Variants in SPATA13 observed in about 807,000 individuals in gnomAD.
SPATA13 encodes the protein spermatogenesis-associated protein 13.
SPATA13 carries 50 observed loss-of-function variants against 104.0 expected under a neutral mutation model. The observed-to-expected ratio is 0.48, with a 90% CI of 0.38 to 0.61. SPATA13 has a LOEUF of 0.61. SPATA13 is among the 20% of genes least tolerant of loss of function. SPATA13 has a pLI of 0.00. For missense variants in SPATA13, 1,524 were observed against 1,690.6 expected, an observed-to-expected ratio of 0.90 and a Z score of 1.73; for synonymous variants, 606 against 667.5, an observed-to-expected ratio of 0.91 and a Z score of 1.42.
intron 2 of SPATA13, among the ~76,000 whole-genome samples, chr13:23,993,619 A>G (rs539725403): frequency 1.7e-4 from 26 of 152,316 alleles, no homozygotes; most frequent in African/African-American, 5.5e-4. Context: ...CCCTTCCCAC[A>G]GACCCCTGCG....
chr13:24,118,806 G>A (rs2137821796), intron 3 of SPATA13, among the ~76,000 whole-genome samples: 1 of 152,292 alleles, frequency 6.6e-6, no homozygotes, highest in Non-Finnish European at 1.5e-5. Flanking sequence ...ACAGGAAGAA[G>A]AACTAACTGT....
intron 1 of SPATA13, among the ~76,000 whole-genome samples, chr13:24,208,539 CAGTGGATCGGTT>C (rs1853715884): frequency 6.7e-6 from 1 of 149,410 alleles, no homozygotes; most frequent in Non-Finnish European, 1.5e-5. Flanking sequence ...GGCTTTTCTC[CAGTGGATCGGTT>C]AGTCATGCAG....
intron 11 of SPATA13, among the ~76,000 whole-genome samples, chr13:24,298,264 A>G (rs1374567780): frequency 2.6e-5 from 4 of 152,140 alleles, no homozygotes; most frequent in Non-Finnish European, 2.9e-5. Flanking sequence ...TGCCTGTGCA[A>G]TACCTTCAGT....
At chr13:24,201,969 C>A (rs1300192049) in intron 1 of SPATA13, among the ~76,000 whole-genome samples, 1 of 152,060 alleles carries the variant, frequency 6.6e-6, no homozygotes, top group Non-Finnish European at 1.5e-5. Context: ...GCCTCCTCAG[C>A]TTGGCTTCTT....
At chr13:24,055,113 G>C (rs1353471783) in intron 3 of SPATA13, among the ~76,000 whole-genome samples, 1 of 152,156 alleles carries the variant, frequency 6.6e-6, no homozygotes, top group Non-Finnish European at 1.5e-5. Context: ...AAGGTTGTAC[G>C]CTTTACATAT....
At chr13:24,172,521 T>C (rs1883017165) in intron 1 of SPATA13, among the ~76,000 whole-genome samples, 1 of 152,196 alleles carries the variant, frequency 6.6e-6, no homozygotes, top group African/African-American at 2.4e-5. Flanking sequence ...TCCATTCAAG[T>C]TAATTTTTGT....
rs571850741 is a variant in SPATA13, at chr13:24,268,512, A to C, written c.2165-15623A>C. ...AGTGGCTCATGCCTGTAGTCCCAGCACTTTGGGAGGCCGAGGTGGGCAGAC... is the reference window on the plus strand; with the variant it reads ...AGTGGCTCATGCCTGTAGTCCCAGCCCTTTGGGAGGCCGAGGTGGGCAGAC... On this transcript the variant is annotated intron_variant, in intron 4 of 12. Transcript: ENST00000382108. Among the ~76,000 whole-genome samples the C allele has an allele frequency of 5.7e-4, 87 of 152,116 alleles. 1 individual carries two copies. The East Asian group carries it at 0.017, about 29-fold the overall frequency.
chr13:24,133,042 G>A (rs1881437127), intron 3 of SPATA13, among the ~76,000 whole-genome samples: 1 of 152,166 alleles, frequency 6.6e-6, no homozygotes, highest in Non-Finnish European at 1.5e-5. Context: ...ACCTGGAGAT[G>A]ATATGACAGT....
intron 3 of SPATA13, among the ~76,000 whole-genome samples, chr13:24,152,845 CTCTT>C (rs1882137905): frequency 6.6e-6 from 1 of 152,158 alleles, no homozygotes; most frequent in Admixed American, 6.5e-5. Flanking sequence ...CTCTCTCTCT[CTCTT>C]TCTCTTCCTC....
rs1378231741 is a variant in SPATA13 at position 24,011,532 on chromosome 13, T to G, written c.-146-6135T>G. Among the ~76,000 whole-genome samples the G allele has an allele frequency of 6.6e-6, 1 of 152,226 alleles. No individual in the cohort carries two copies. The highest frequency in any genetic ancestry group is 1.9e-4 in the East Asian group (1 of 5,194). On this transcript the variant is annotated intron_variant, in intron 2 of 14. Coordinates refer to the SPATA13 transcript ENST00000424834. This position sits in a 1 kb window ranked among gnomAD's most constrained non-coding sequence, Gnocchi z 4.3. ...CACGCTCCCTGTCCTGGCTGGCTGA[T>G]GCCCTCCAGCTGTGGGCTGGCCATG...
chr13:24,010,446 G>A, intron 2 of SPATA13, among the ~76,000 whole-genome samples: 1 of 149,216 alleles, frequency 6.7e-6, no homozygotes, highest in East Asian at 2.0e-4. Context: ...ATATTGTGAG[G>A]GAGGTATGTA....
intron 3 of SPATA13, among the ~76,000 whole-genome samples, chr13:24,022,882 A>G (rs1298028478): frequency 6.6e-6 from 1 of 152,136 alleles, no homozygotes; most frequent in Non-Finnish European, 1.5e-5. Context: ...CAAAAACTTT[A>G]GTTACCATTT....
intron 3 of SPATA13, among the ~76,000 whole-genome samples, chr13:24,128,241 A>G (rs1182904074): frequency 2.0e-5 from 3 of 151,958 alleles, no homozygotes; most frequent in Non-Finnish European, 4.4e-5. Flanking sequence ...CCAGTTGGAC[A>G]TTGTCCTTGT....
At chr13:24,216,982 C>T (rs944006101) in intron 1 of SPATA13, among the ~76,000 whole-genome samples, 5 of 151,934 alleles carry the variant, frequency 3.3e-5, no homozygotes, top group African/African-American at 7.3e-5. Flanking sequence ...GTGTGGGAGG[C>T]GAGGTTGCAG....
intron 1 of SPATA13, among the ~76,000 whole-genome samples, chr13:24,216,914 A>G (rs1430160608): frequency 1.3e-5 from 2 of 152,030 alleles, no homozygotes; most frequent in Non-Finnish European, 2.9e-5. Context: ...AGTGGGGCAT[A>G]GTGGCATGTG....
At chr13:24,074,060 A>C (rs1286291350) in intron 3 of SPATA13, among the ~76,000 whole-genome samples, 1 of 152,224 alleles carries the variant, frequency 6.6e-6, no homozygotes, top group African/African-American at 2.4e-5. Flanking sequence ...TTTCGATCTT[A>C]ATTATTTTTA....
At chr13:24,278,762 TCA>T (rs773131352) in intron 4 of SPATA13, 1 of 1,597,092 alleles carries the variant, frequency 6.3e-7, no homozygotes. Flanking sequence ...GACCAAGGAC[TCA>T]TACTCAAAAA....
chr13:24,040,515 T>C (rs7490420), intron 3 of SPATA13, among the ~76,000 whole-genome samples: 8,947 of 151,876 alleles, frequency 0.059, 356 homozygotes, highest in Admixed American at 0.095. Flanking sequence ...ACAGATGGGG[T>C]TGGAGAGGAG....
chr13:24,073,055 A>G (rs1490111515), intron 3 of SPATA13, among the ~76,000 whole-genome samples: 2 of 152,004 alleles, frequency 1.3e-5, no homozygotes, highest in Non-Finnish European at 2.9e-5. Flanking sequence ...GGGATCACCG[A>G]TATTTTGATA....
Sources: allele counts gnomAD v4.1 joint callset (sites outside exome capture counted in the v4.1 genomes callset), GRCh38; gene constraint gnomAD v4.1.1; non-coding constraint Gnocchi (gnomAD v3.1); transcripts MANE v1.5; gene names NCBI Gene and HGNC (gene_info 2026-07-23, HGNC 2026-07-21).